Variants in ARNT2 observed in about 807,000 individuals in gnomAD.
The protein encoded by ARNT2 is ARNT protein 2.
ARNT2 carries 36 observed loss-of-function variants against 91.7 expected under a neutral mutation model. The ratio of observed to expected loss-of-function variants is 0.39; its 90% CI spans 0.30 to 0.52. ARNT2 has a LOEUF of 0.52. Ranked by LOEUF, ARNT2 falls within the 20% of genes least tolerant of loss-of-function variation. The pLI, the probability that ARNT2 is intolerant of heterozygous loss-of-function variation, is 0.72. For missense variants in ARNT2, 775 were observed against 939.3 expected (o/e 0.83, Z 2.29); for synonymous variants, 365 against 347.1 (o/e 1.05, Z -0.57).
At chr15:80,482,632 G>C (rs1250252621) in intron 5 of ARNT2, among the ~76,000 whole-genome samples, 1 of 152,212 alleles carries the variant, frequency 6.6e-6, no homozygotes, top group Admixed American at 6.5e-5. Context: ...AGCCAGAACA[G>C]CGTTTAGTGG....
chr15:80,474,060 C>A (rs1362146459), intron 4 of ARNT2, among the ~76,000 whole-genome samples: 1 of 152,182 alleles, frequency 6.6e-6, no homozygotes, highest in Admixed American at 6.5e-5. Flanking sequence ...CCTGCAGGCA[C>A]AAAGCCCATT....
At chr15:80,501,314 A>T (rs1897189791) in intron 5 of ARNT2, among the ~76,000 whole-genome samples, 1 of 152,232 alleles carries the variant, frequency 6.6e-6, no homozygotes, top group Non-Finnish European at 1.5e-5. Context: ...TCTTGAGTTT[A>T]TGCTAAGTGA....
chr15:80,423,908 G>A (rs554945951), intron 1 of ARNT2, among the ~76,000 whole-genome samples: 2 of 152,262 alleles, frequency 1.3e-5, no homozygotes, highest in East Asian at 3.9e-4. Flanking sequence ...GGGATATCCA[G>A]GCAAGCGTTT....
chr15:80,408,435 ACAGAGATTTTGACT>A (rs1595949963), intron 1 of ARNT2, among the ~76,000 whole-genome samples: 1 of 152,212 alleles, frequency 6.6e-6, no homozygotes, highest in African/African-American at 2.4e-5. Context: ...CCTTTTGAAG[ACAGAGATTTTGACT>A]TATAGAGAAT....
At chr15:80,510,732 G>A (rs1035724863) in intron 6 of ARNT2, among the ~76,000 whole-genome samples, 4 of 152,092 alleles carry the variant, frequency 2.6e-5, no homozygotes, top group Non-Finnish European at 5.9e-5. Context: ...GGGAGGCTGA[G>A]GCAGGAGAAT....
chr15:80,416,935 C>T (rs1456316690), intron 1 of ARNT2, among the ~76,000 whole-genome samples: 1 of 152,146 alleles, frequency 6.6e-6, no homozygotes, highest in Non-Finnish European at 1.5e-5. Flanking sequence ...CAGACCTCAT[C>T]TTTGGGTCCT....
At chr15:80,495,154 C>G (rs1897109002) in intron 5 of ARNT2, among the ~76,000 whole-genome samples, 1 of 152,190 alleles carries the variant, frequency 6.6e-6, no homozygotes, top group South Asian at 2.1e-4. Flanking sequence ...AACCCAAACC[C>G]CAGCCGCCAT....
intron 8 of ARNT2, among the ~76,000 whole-genome samples, chr15:80,526,293 A>G (rs1897639634): frequency 6.6e-6 from 1 of 152,212 alleles, no homozygotes; most frequent in African/African-American, 2.4e-5. Flanking sequence ...TCATTCTGTC[A>G]GAAATCACTC....
chr15:80,569,504 C>T (rs1898548343), intron 12 of ARNT2, among the ~76,000 whole-genome samples: 1 of 152,208 alleles, frequency 6.6e-6, no homozygotes, highest in Admixed American at 6.5e-5. Context: ...ATGGGGCAGC[C>T]TGCAGGTCAG....
chr15:80,527,414 A>G (rs982496255), intron 8 of ARNT2, among the ~76,000 whole-genome samples: 2 of 152,232 alleles, frequency 1.3e-5, no homozygotes, highest in Admixed American at 1.3e-4. Context: ...GCCAAGCCCT[A>G]CTGAAAGCTT....
At chr15:80,513,875 G>T in intron 6 of ARNT2, 36 bp from the exon 7 acceptor site, 2 of 1,563,504 alleles carry the variant, frequency 1.3e-6, no homozygotes, top group Non-Finnish European at 1.8e-6. Context: ...ACTTGCCTGG[G>T]TCTTTGCTCA....
intron 8 of ARNT2, among the ~76,000 whole-genome samples, chr15:80,533,605 A>G (rs1248768444): frequency 6.6e-6 from 1 of 152,268 alleles, no homozygotes; most frequent in Non-Finnish European, 1.5e-5. Flanking sequence ...GGGAGAAGCC[A>G]GCCAATGAAG....
Position 80,591,577 on chromosome 15 carries a change from G to A in ARNT2, c.1928G>A (p.Gly643Glu). The change falls in exon 18 of 19, where the codon GGA becomes GAA. Residue 643 changes from glycine to glutamate, a missense_variant. By Grantham distance (98) the Gly-to-Glu change is moderately conservative. Coordinates refer to ENST00000303329, the MANE Select transcript of ARNT2 (RefSeq NM_014862.4). The surrounding 1 kb of genome is among the most constrained non-coding windows in gnomAD (Gnocchi z 5.1). ...GTGTCGAATCTTTCAGCTGAAAGTGGACAAAGTAGCGGGCAGTTCCAAGGG... is the reference window on the plus strand; with the variant it reads ...GTGTCGAATCTTTCAGCTGAAAGTGAACAAAGTAGCGGGCAGTTCCAAGGG... The part of the protein sequence containing the change: ...ANRTPGFAES[G>E]QSSGQFQGRP... 11 of 1,614,172 alleles carry A rather than the reference G, an allele frequency of 6.8e-6. No individual in the cohort carries two copies. In the Middle Eastern group the frequency reaches 5.0e-4, roughly 73 times the overall value.
intron 1 of ARNT2, among the ~76,000 whole-genome samples, chr15:80,432,266 G>T (rs144149231): frequency 6.6e-6 from 1 of 152,212 alleles, no homozygotes; most frequent in East Asian, 1.9e-4. Flanking sequence ...CTGAATTAGA[G>T]GTAGAAGATT....
rs1898630063 is a variant in ARNT2, at chr15:80,574,238, C to G, written c.1389+18C>G. ...TATCCCAGGTGAGTTTCTGGAAAACCCTTTCCCTGTTGGAATTGTCTCCAG... is the reference window on the plus strand; with the variant it reads ...TATCCCAGGTGAGTTTCTGGAAAACGCTTTCCCTGTTGGAATTGTCTCCAG... On this transcript the variant is annotated intron_variant, in intron 13 of 18. Transcript: ENST00000303329. The G allele has an allele frequency of 1.2e-6, 2 of 1,611,924 alleles. No individual in the cohort carries two copies. Among genetic ancestry groups the G allele is most frequent in the Non-Finnish European group, 8.5e-7 (1 of 1,177,974 alleles).
intron 12 of ARNT2, among the ~76,000 whole-genome samples, chr15:80,565,505 A>G (rs1290953514): frequency 6.7e-6 from 1 of 150,018 alleles, no homozygotes; most frequent in Non-Finnish European, 1.5e-5. Flanking sequence ...TTTCTCTGCA[A>G]CCTTGCCAGC....
intron 1 of ARNT2, among the ~76,000 whole-genome samples, chr15:80,432,222 C>T (rs1339359538): frequency 6.6e-6 from 1 of 152,116 alleles, no homozygotes. Flanking sequence ...CTCTGGGGCA[C>T]GGGGGGAACG....
chr15:80,423,751 T>C (rs1038736304), intron 1 of ARNT2, among the ~76,000 whole-genome samples: 1 of 147,150 alleles, frequency 6.8e-6, no homozygotes, highest in Non-Finnish European at 1.5e-5. Context: ...TTTGTGTGTG[T>C]GTGTGAAAGA....
chr15:80,461,458 T>C (rs1269588042), intron 3 of ARNT2, among the ~76,000 whole-genome samples: 1 of 152,038 alleles, frequency 6.6e-6, no homozygotes, highest in Non-Finnish European at 1.5e-5. Flanking sequence ...GAAGTAGCAA[T>C]GCGGTCAAAG....
Sources: allele counts gnomAD v4.1 joint callset (sites outside exome capture counted in the v4.1 genomes callset), GRCh38; gene constraint gnomAD v4.1.1; non-coding constraint Gnocchi (gnomAD v3.1); transcripts MANE v1.5; gene names NCBI Gene and HGNC (gene_info 2026-07-23, HGNC 2026-07-21).